The following ELAPOR2 variants were observed in gnomAD, a reference collection of about 807,000 sequenced individuals.
ELAPOR2 encodes endosome-lysosome associated apoptosis and autophagy regulator family member 2, also known as endosome/lysosome-associated apoptosis and autophagy regulator family member 2.
Under a neutral mutation model 120.7 loss-of-function variants are expected in ELAPOR2, and 89 were observed. The observed-to-expected ratio is 0.74, with a 90% confidence interval of 0.62 to 0.88. The LOEUF is 0.88. ELAPOR2 is among the 40% of genes least tolerant of loss of function. ELAPOR2 has a pLI of 0.00. For synonymous variants in ELAPOR2, 444 were observed against 444.9 expected (o/e 1.00, Z 0.03); for missense variants, 1,134 against 1,251.6 (o/e 0.91, Z 1.42).
chr7:86,932,266 G>C (rs1562929543), intron 8 of ELAPOR2, among the ~76,000 whole-genome samples: 1 of 151,916 alleles, frequency 6.6e-6, no homozygotes, highest in South Asian at 2.1e-4. Context: ...TACACAGCAA[G>C]AGAACATCTT....
intron 8 of ELAPOR2, among the ~76,000 whole-genome samples, chr7:86,932,118 C>T (rs927722210): frequency 3.3e-5 from 5 of 151,768 alleles, no homozygotes; most frequent in Non-Finnish European, 5.9e-5. Flanking sequence ...GAGTCTTTTC[C>T]GAAGCTTCAG....
rs368372876 is a variant in ELAPOR2 at position 86,965,027 on chromosome 7, G to A, written c.190-3C>T. The A allele has an allele frequency of 1.3e-6, 2 of 1,551,302 alleles. No homozygotes were observed. Among genetic ancestry groups the A allele is most frequent in the African/African-American group, 2.7e-5 (2 of 72,990 alleles). On this transcript the variant is annotated splice_region_variant and splice_polypyrimidine_tract_variant and intron_variant, in intron 1 of 21. Coordinates refer to ENST00000450689, the MANE Select transcript of ELAPOR2 (RefSeq NM_001142749.3). Reference sequence around the variant, plus strand: ...GTATATTCAAAGTGATAATCTTTCTGCAAACAATCACAAAAACAAGCCTTT... The same window carrying A: ...GTATATTCAAAGTGATAATCTTTCTACAAACAATCACAAAAACAAGCCTTT...
intron 1 of ELAPOR2, among the ~76,000 whole-genome samples, chr7:87,056,597 C>A (rs909317524): frequency 6.6e-6 from 1 of 152,194 alleles, no homozygotes; most frequent in Admixed American, 6.5e-5. Context: ...TAACTTTTCT[C>A]CCCCTTTCGA....
rs1489487084 is a variant in ELAPOR2 at position 86,879,532 on chromosome 7, C to T, written c.*939G>A. On this transcript the variant is annotated 3_prime_UTR_variant, in exon 22 of 22. Coordinates refer to ENST00000450689, the MANE Select transcript of ELAPOR2 (RefSeq NM_001142749.3). ...CTGGTGCTTGACAAAGAACAAAAGT[C>T]CCACTGACATTTTCTGGAGACCATG... The T allele has an allele frequency of 6.6e-6, 1 of 152,070 alleles. No individual in the cohort carries two copies. Among genetic ancestry groups the T allele is most frequent in the Non-Finnish European group, 1.5e-5 (1 of 68,008 alleles). 9.4% of individuals were successfully genotyped at this position (152,070 alleles called of 1,614,324 possible). A position where few individuals can be genotyped will look rare whatever the true frequency, so the allele number is the denominator to read the frequency against.
At chr7:86,883,128 CG>C (rs1562894096) in intron 21 of ELAPOR2, among the ~76,000 whole-genome samples, 2 of 151,100 alleles carry the variant, frequency 1.3e-5, no homozygotes, top group African/African-American at 4.9e-5. Context: ...TCTAATTTGA[CG>C]TAACACCCAA....
intron 8 of ELAPOR2, among the ~76,000 whole-genome samples, chr7:86,936,522 T>C (rs1361128727): frequency 6.6e-6 from 1 of 152,100 alleles, no homozygotes; most frequent in African/African-American, 2.4e-5. Context: ...GCTAGAAACA[T>C]TTATCTTGAA....
chr7:87,050,438 TTA>T (rs565358809), intron 1 of ELAPOR2, among the ~76,000 whole-genome samples: 40 of 152,226 alleles, frequency 2.6e-4, no homozygotes, highest in Non-Finnish European at 3.8e-4. Flanking sequence ...GCTCCTGCTT[TTA>T]CCATGTGATG....
intron 2 of ELAPOR2, among the ~76,000 whole-genome samples, chr7:86,964,324 CTG>C (rs1235041898): frequency 6.6e-6 from 1 of 152,060 alleles, no homozygotes; most frequent in Admixed American, 6.6e-5. Flanking sequence ...TCATATTTCT[CTG>C]TTATTTTATA....
intron 19 of ELAPOR2, among the ~76,000 whole-genome samples, chr7:86,893,760 G>A (rs1372942118): frequency 6.6e-6 from 1 of 151,718 alleles, no homozygotes; most frequent in Non-Finnish European, 1.5e-5. Context: ...ATTCCTTTAG[G>A]GCAATGTTTT....
At chr7:86,910,092 G>C (rs1789227619) in intron 15 of ELAPOR2, 91 bp from the exon 16 acceptor site, 2 of 933,494 alleles carry the variant, frequency 2.1e-6, no homozygotes, top group East Asian at 5.3e-5. Context: ...AAGAGCAGTG[G>C]CTCTCTCCTC....
At chr7:86,950,080 G>A (rs907238259) in intron 2 of ELAPOR2, among the ~76,000 whole-genome samples, 1 of 152,210 alleles carries the variant, frequency 6.6e-6, no homozygotes, top group African/African-American at 2.4e-5. Flanking sequence ...CTGAGGCCCA[G>A]GCCCATAAAA....
At chr7:86,901,789 C>G (rs1229469616) in intron 18 of ELAPOR2, among the ~76,000 whole-genome samples, 2 of 152,160 alleles carry the variant, frequency 1.3e-5, no homozygotes, top group African/African-American at 4.8e-5. Context: ...TTAGTGCTGT[C>G]TGCTAACCTG....
intron 1 of ELAPOR2, among the ~76,000 whole-genome samples, chr7:86,973,291 T>G (rs538125594): frequency 6.6e-6 from 1 of 152,300 alleles, no homozygotes; most frequent in South Asian, 2.1e-4. Flanking sequence ...GCTTCATTTC[T>G]TAACATTATT....
rs567523160 is a variant in ELAPOR2 at position 87,050,075 on chromosome 7, C to A, written c.189+9250G>T. 5.9e-5 allele frequency among the ~76,000 whole-genome samples: 9 copies of A among 152,186 alleles called. No individual in the cohort carries two copies. In the South Asian group the frequency reaches 1.9e-3, roughly 32 times the overall value. On this transcript the variant is annotated intron_variant, in intron 1 of 21. Coordinates refer to ENST00000450689, the MANE Select transcript of ELAPOR2 (RefSeq NM_001142749.3). Reference sequence around the variant, plus strand: ...TCACCTGGATCTTGGACTTTCCTACCTCCTAAACCTGGAGGCAAATAAATT... The same window carrying A: ...TCACCTGGATCTTGGACTTTCCTACATCCTAAACCTGGAGGCAAATAAATT...
intron 1 of ELAPOR2, among the ~76,000 whole-genome samples, chr7:87,022,674 A>G (rs1453221104): frequency 6.6e-6 from 1 of 151,482 alleles, no homozygotes; most frequent in Non-Finnish European, 1.5e-5. Context: ...ACAATGGTTG[A>G]ACTAGTTTAC....
chr7:86,988,552 G>A (rs935856180), intron 1 of ELAPOR2, among the ~76,000 whole-genome samples: 2 of 152,116 alleles, frequency 1.3e-5, no homozygotes, highest in African/African-American at 2.4e-5. Flanking sequence ...GAGCATTGGA[G>A]GATATTGGTA....
At chr7:87,004,927 A>G (rs972426741) in intron 1 of ELAPOR2, among the ~76,000 whole-genome samples, 9 of 152,150 alleles carry the variant, frequency 5.9e-5, no homozygotes, top group African/African-American at 1.9e-4. Context: ...AAGGAGAGCT[A>G]TGACCCCTCT....
chr7:86,965,273 C>G (rs1463297088), intron 1 of ELAPOR2, among the ~76,000 whole-genome samples: 1 of 152,130 alleles, frequency 6.6e-6, no homozygotes, highest in Non-Finnish European at 1.5e-5. Flanking sequence ...ATCCTTTCAT[C>G]TCACCCATCC....
In ELAPOR2 at chr7:86,926,883, T is replaced by C. The variant is rs776663093; in HGVS notation, c.1123A>G (p.Ile375Val). ...GCATCTGTGAGATCCTCCCGGCAGA[T>C]TTTGGGCTCTATCCACTTGTACATT... ...QIMYKWIEPK[I>V]CREDLTDAIR... The change falls in exon 9 of 22, where the codon ATC becomes GTC. Residue 375 changes from isoleucine to valine, a missense_variant. Ile to Val is a conservative substitution (Grantham distance 29). Coordinates refer to ENST00000450689, the MANE Select transcript of ELAPOR2 (RefSeq NM_001142749.3). The C allele has an allele frequency of 6.3e-7, 1 of 1,590,472 alleles. No homozygotes were observed. Among genetic ancestry groups the C allele is most frequent in the Admixed American group, 1.7e-5 (1 of 57,840 alleles).
Sources: allele counts gnomAD v4.1 joint callset (sites outside exome capture counted in the v4.1 genomes callset), GRCh38; gene constraint gnomAD v4.1.1; transcripts MANE v1.5; gene names NCBI Gene and HGNC (gene_info 2026-07-23, HGNC 2026-07-21).